Variants in PPP1R13L observed in about 807,000 individuals in gnomAD.
PPP1R13L encodes relA-associated inhibitor.
PPP1R13L carries 50 observed loss-of-function variants against 80.9 expected under a neutral mutation model. The ratio of observed to expected loss-of-function variants is 0.62; its 90% CI spans 0.49 to 0.78. PPP1R13L has a LOEUF of 0.78. Ranked by LOEUF, PPP1R13L falls within the 30% of genes least tolerant of loss-of-function variation. PPP1R13L has a pLI of 0.00. For missense variants in PPP1R13L, 1,200 were observed against 1,205.9 expected (o/e 1.00, Z 0.07); for synonymous variants, 602 against 534.3 (o/e 1.13, Z -1.75).
chr19:45,401,935 T>TAA (rs113169447), intron 1 of PPP1R13L: 2 of 151,772 alleles, frequency 1.3e-5, no homozygotes, highest in African/African-American at 4.8e-5. Flanking sequence ...CCCCATTTCT[T>TAA]AAAAAAAATT....
Position 45,396,988 on chromosome 19 carries a change from G to A in PPP1R13L, c.269C>T (p.Thr90Ile), listed in dbSNP as rs767527061. The A allele has an allele frequency of 1.8e-5, 25 of 1,382,110 alleles. No homozygotes were observed. The Middle Eastern group carries it at 4.0e-3, about 224-fold the overall frequency. The allele number at this position is 1,382,110 out of a possible 1,614,324, so 85.6% of individuals were successfully genotyped here. A position where few individuals can be genotyped will look rare whatever the true frequency, so the allele number is the denominator to read the frequency against. ...TCCGAACGGGGTGTCTGCGCCGTCG[G>A]TGGCCGCCTTCCGGGGGGACCCTCG... ...GSRGSPRKAA[T>I]DGADTPFGRS... is the part of the protein sequence containing the mutation. The change falls in exon 4 of 13, where the codon ACC becomes ATC. Residue 90 changes from threonine (T) to isoleucine (I), a missense_variant. Transcript: ENST00000360957. This position sits in a 1 kb window ranked among gnomAD's most constrained non-coding sequence, Gnocchi z 5.3.
At chr19:45,398,975 G>A (rs571164908) in intron 1 of PPP1R13L, among the ~76,000 whole-genome samples, 1 of 151,684 alleles carries the variant, frequency 6.6e-6, no homozygotes, top group African/African-American at 2.4e-5. Context: ...ATGGTGTCTC[G>A]CATTTTCGCC....
intron 1 of PPP1R13L, among the ~76,000 whole-genome samples, chr19:45,403,594 AACC>A (rs1973272320): frequency 6.6e-6 from 1 of 152,104 alleles, no homozygotes; most frequent in African/African-American, 2.4e-5. Flanking sequence ...GGGGTCAGCA[AACC>A]TTATTCAAAG....
rs1266133702 is a variant in PPP1R13L at position 45,400,871 on chromosome 19, G to C, written c.-21-2532C>G. 6.6e-5 allele frequency among the ~76,000 whole-genome samples: 4 copies of C among 60,446 alleles called. 1 individual carries two copies. Among genetic ancestry groups the C allele is most frequent in the Non-Finnish European group, 1.0e-4 (4 of 39,760 alleles). 39.7% of individuals were successfully genotyped at this position (60,446 alleles called of 152,430 possible). ...GGCTCACTGCAAGCTCCGCCTCCCGGGTTCACGCCATTCTCCCGCCTCAGC... is the reference window on the plus strand; with the variant it reads ...GGCTCACTGCAAGCTCCGCCTCCCGCGTTCACGCCATTCTCCCGCCTCAGC... On this transcript the variant is annotated intron_variant, in intron 1 of 12. Transcript: ENST00000360957.
chr19:45,382,646 G>T lies in PPP1R13L; in HGVS notation c.2329C>A (p.Leu777Met). The T allele has an allele frequency of 6.2e-7, 1 of 1,613,926 alleles. No individual in the cohort carries two copies. The highest frequency in any genetic ancestry group is 1.3e-5 in the African/African-American group (1 of 75,064). The change falls in exon 12 of 13, where the codon CTG becomes ATG. Residue 777 changes from leucine to methionine, a missense_variant. Around this residue, in one of 5 missense-constraint regions of PPP1R13L, gnomAD observed 165 missense variants for 177.1 expected, o/e 0.93. Transcript: ENST00000360957. ...ACCGACTCGCCCTCGCGGAAGGACA[G>T]CTCGTCCCCGAACTCGGCGCTGTAG... is the stretch of plus-strand genomic sequence containing the variant. ...WDYSAEFGDE[L>M]SFREGESVTV...
chr19:45,391,744 C>T, intron 8 of PPP1R13L, 136 bp downstream of exon 8: 1 of 608,586 alleles, frequency 1.6e-6, no homozygotes, highest in Non-Finnish European at 2.5e-6. Context: ...CAGTCCTGGG[C>T]TGCAAACTCT....
At position 45,392,240 on chromosome 19, in the gene PPP1R13L, T is replaced by C; in HGVS notation, c.1455A>G (p.Ala485=). 6.2e-7 allele frequency: 1 copy of C among 1,612,960 alleles called. No individual in the cohort carries two copies. Among genetic ancestry groups the C allele is most frequent in the Non-Finnish European group, 8.5e-7 (1 of 1,179,634 alleles). Residue 485 remains alanine, a synonymous_variant, in exon 8 of 13, where the codon GCA becomes GCG. Coordinates refer to ENST00000360957, the MANE Select transcript of PPP1R13L (RefSeq NM_006663.4). ...GCAGCCTCGTGGGGCTGAGAGGCCT[T>C]GCTACAGGGCCTTCATCCACATCGC... is the stretch of plus-strand genomic sequence containing the variant. The part of the protein sequence containing the change: ...EAGDVDEGPV[A]RPLSPTRLQP...
In PPP1R13L at chr19:45,398,111, TC is replaced by T; in HGVS notation, c.91del (p.Glu31SerfsTer12). 1 of 1,614,128 alleles carries T rather than the reference TC, an allele frequency of 6.2e-7. No homozygotes were observed. Among genetic ancestry groups the T allele is most frequent in the Non-Finnish European group, 8.5e-7 (1 of 1,180,014 alleles). The stretch of plus-strand genomic sequence containing the variant: ...CACCTTGGCCGCCGCCGTGTCCAGC[TC>T]CATCTGCTTCAGATCCATGTGTTTC... Reference protein sequence around the residue: ...AMKHMDLKQMELDTAAAKVDE... With the variant: ...AMKHMDLKQMXLDTAAAKVDE... On this transcript the variant is annotated frameshift_variant, in exon 3 of 13. Coordinates refer to ENST00000360957, the MANE Select transcript of PPP1R13L (RefSeq NM_006663.4). LOFTEE classifies it high-confidence loss of function.
intron 8 of PPP1R13L, 142 bp from the exon 9 acceptor site, chr19:45,386,322 G>C: frequency 9.2e-7 from 1 of 1,083,650 alleles, no homozygotes; most frequent in Non-Finnish European, 1.2e-6. Context: ...TGGGGTGAGG[G>C]GGTGCCTTCG....
intron 1 of PPP1R13L, among the ~76,000 whole-genome samples, chr19:45,404,209 T>C (rs1394913205): frequency 6.6e-6 from 1 of 152,144 alleles, no homozygotes; most frequent in Non-Finnish European, 1.5e-5. Flanking sequence ...TATGCAAACC[T>C]CCCAGAATCC....
chr19:45,395,843 G>T lies in PPP1R13L; in HGVS notation c.947C>A (p.Ser316Tyr). Residue 316 changes from serine to tyrosine, a missense_variant, in exon 7 of 13, where the codon TCT becomes TAT. Coordinates refer to ENST00000360957, the MANE Select transcript of PPP1R13L (RefSeq NM_006663.4). ...TGAACGCCGGTCGCTGGCCAGAGGAGAGACCTTGTAATTGCGCGGCAGGGT... is the reference window on the plus strand; with the variant it reads ...TGAACGCCGGTCGCTGGCCAGAGGATAGACCTTGTAATTGCGCGGCAGGGT... ...SATLPRNYKV[S>Y]PLASDRRSDA... 6.3e-7 allele frequency: 1 copy of T among 1,598,346 alleles called. No homozygotes were observed. Among genetic ancestry groups the T allele is most frequent in the East Asian group, 2.2e-5 (1 of 44,506 alleles).
chr19:45,398,029 G>A lies in PPP1R13L; in HGVS notation c.174C>T (p.Gly58=), dbSNP rs539097715. The change falls in exon 3 of 13, where the codon GGC becomes GGT. Residue 58 remains glycine (G), a synonymous_variant. Coordinates refer to ENST00000360957, the MANE Select transcript of PPP1R13L (RefSeq NM_006663.4). The part of the protein sequence containing the change: ...SLWSDSPAPP[G]PQAGPPSRPP... Reference sequence around the variant, plus strand: ...CCCTAGAAGGGGGTCCGGCCTGCGGGCCAGGAGGCGCGGGAGAGTCTGACC... The same window carrying A: ...CCCTAGAAGGGGGTCCGGCCTGCGGACCAGGAGGCGCGGGAGAGTCTGACC... The A allele has an allele frequency of 6.2e-7, 1 of 1,613,538 alleles. No individual in the cohort carries two copies. Among genetic ancestry groups the A allele is most frequent in the African/African-American group, 1.3e-5 (1 of 75,070 alleles).
At position 45,395,173 on chromosome 19, in the gene PPP1R13L, T is replaced by C. The variant is rs1336867683; in HGVS notation, c.1354+263A>G. ...TATTTCCCTTTTACACTCAAGAAAATTGAGGCCCAGTGAGGTTAAGTGACT... is the reference window on the plus strand; with the variant it reads ...TATTTCCCTTTTACACTCAAGAAAACTGAGGCCCAGTGAGGTTAAGTGACT... On this transcript the variant is annotated intron_variant, in intron 7 of 12. Transcript: ENST00000360957. The C allele has an allele frequency of 6.3e-6, 3 of 474,654 alleles. No individual in the cohort carries two copies. The East Asian group carries it at 1.3e-4, about 20-fold the overall frequency. 29.4% of individuals were successfully genotyped at this position (474,654 alleles called of 1,614,324 possible). A position where few individuals can be genotyped will look rare whatever the true frequency, so the allele number is the denominator to read the frequency against.
At chr19:45,397,470 C>CTT (rs751382170) in intron 3 of PPP1R13L, among the ~76,000 whole-genome samples, 3,686 of 95,962 alleles carry the variant, frequency 0.038, 111 homozygotes, top group African/African-American at 0.15. Context: ...CTTTCTCTCT[C>CTT]TCTCTTTCTT....
At chr19:45,383,846 C>T (rs1972814466) in intron 11 of PPP1R13L, among the ~76,000 whole-genome samples, 1 of 152,066 alleles carries the variant, frequency 6.6e-6, no homozygotes, top group Non-Finnish European at 1.5e-5. Context: ...ACTGCAACCT[C>T]CGCCTCCTGG....
Position 45,396,752 on chromosome 19 carries a change from G to A in PPP1R13L, c.505C>T (p.Gln169Ter). The A allele has an allele frequency of 7.4e-7, 1 of 1,357,722 alleles. No individual in the cohort carries two copies. Among genetic ancestry groups the A allele is most frequent in the South Asian group, 1.9e-5 (1 of 52,868 alleles). The allele number at this position is 1,357,722 out of a possible 1,614,324, so 84.1% of individuals were successfully genotyped here. A position where few individuals can be genotyped will look rare whatever the true frequency, so the allele number is the denominator to read the frequency against. Residue 169 changes from glutamine to a stop codon, truncating the protein, a stop_gained, in exon 4 of 13, where the codon CAG becomes TAG. Coordinates refer to ENST00000360957, the MANE Select transcript of PPP1R13L (RefSeq NM_006663.4). LOFTEE classifies it high-confidence loss of function. This position sits in a 1 kb window ranked among gnomAD's most constrained non-coding sequence, Gnocchi z 5.3. ...AAGTCGAAAGGCGTGGGGGGACCCT[G>A]CTGGCGGAGCGGGCCTGGCCCGGGC... Reference protein sequence around the residue: ...PRPGPGPLRQQGPPTPFDFLG... With the variant: ...PRPGPGPLRQ
intron 8 of PPP1R13L, among the ~76,000 whole-genome samples, chr19:45,387,911 T>A (rs1599765903): frequency 6.6e-6 from 1 of 152,182 alleles, no homozygotes; most frequent in African/African-American, 2.4e-5. Context: ...ATGTGTGTAA[T>A]CTCAGCACTT....
At chr19:45,390,413 A>T (rs35380077) in intron 8 of PPP1R13L, among the ~76,000 whole-genome samples, 9,238 of 152,200 alleles carry the variant, frequency 0.061, 866 homozygotes, top group African/African-American at 0.2. Context: ...AATAATAATA[A>T]TATTAATCCC....
At chr19:45,389,531 G>A (rs367647750) in intron 8 of PPP1R13L, among the ~76,000 whole-genome samples, 2 of 151,926 alleles carry the variant, frequency 1.3e-5, no homozygotes, top group Non-Finnish European at 1.5e-5. Context: ...TAATCTTGGC[G>A]GGGTGTGGTG....
Sources: gnomAD v4.1 joint callset for allele counts (sites outside exome capture counted in the v4.1 genomes callset) on GRCh38, gnomAD v4.1.1 for gene constraint, gnomAD v4.1.1 regional missense constraint, Gnocchi (gnomAD v3.1) non-coding constraint, MANE v1.5 for transcripts, NCBI Gene and HGNC (gene_info 2026-07-23, HGNC 2026-07-21) for gene names.